Variants in DST observed in about 807,000 individuals in gnomAD.
DST encodes bullous pemphigoid antigen.
A neutral mutation model predicts 875.2 loss-of-function variants in DST; 253 were observed. That is an observed-to-expected ratio of 0.29 (90% CI 0.26 to 0.32). The LOEUF (loss-of-function observed/expected upper bound fraction) is 0.32, where lower values mean the gene tolerates loss of function less well. Among genes scored for constraint, DST ranks in the 10% least tolerant of loss-of-function variants. The pLI, the probability that DST is intolerant of heterozygous loss-of-function variation, is 1.00. For synonymous variants in DST, 3,124 were observed against 3,197.1 expected (o/e 0.98, Z 0.77); for missense variants, 8,287 against 9,111.6 (o/e 0.91, Z 3.68).
At chr6:56,761,755 T>C (rs1487383392) in intron 4 of DST, among the ~76,000 whole-genome samples, 1 of 152,122 alleles carries the variant, frequency 6.6e-6, no homozygotes, top group Non-Finnish European at 1.5e-5. Flanking sequence ...AATTTCCTTC[T>C]GACAACTAAG....
Position 56,629,253 on chromosome 6 carries a change from TTG to T in DST, c.4470_4471del (p.Asp1490GlufsTer25). 6.2e-7 allele frequency: 1 copy of T among 1,613,650 alleles called. No individual in the cohort carries two copies. Among genetic ancestry groups the T allele is most frequent in the South Asian group, 1.1e-5 (1 of 91,072 alleles). On this transcript the variant is annotated frameshift_variant, in exon 32 of 104. Coordinates refer to ENST00000680361, the MANE Select transcript of DST (RefSeq NM_001374736.1). LOFTEE classifies it high-confidence loss of function. The stretch of plus-strand genomic sequence containing the variant: ...CTGAACAAAAAAGGATACTAACCTG[TTG>T]TCAATCTGCACATGAACATTTTGCC...
chr6:56,790,996 A>G (rs1209460500), intron 4 of DST, among the ~76,000 whole-genome samples: 2 of 152,248 alleles, frequency 1.3e-5, no homozygotes, highest in Non-Finnish European at 2.9e-5. Flanking sequence ...TGAAGGTGAG[A>G]GACAAGATGC....
At chr6:56,935,512 C>A (rs1285305304) in intron 2 of DST, among the ~76,000 whole-genome samples, 2 of 152,248 alleles carry the variant, frequency 1.3e-5, no homozygotes, top group Non-Finnish European at 2.9e-5. Context: ...AATTTCTACT[C>A]TTTGTAAACT....
chr6:56,642,574 G>A, intron 15 of DST, 71 bp from the exon 16 acceptor site: 3 of 1,610,706 alleles, frequency 1.9e-6, no homozygotes, highest in South Asian at 2.2e-5. Flanking sequence ...CCTGAAAAGT[G>A]CTGCCCATCA....
chr6:56,501,027 T>A, intron 80 of DST, 53 bp downstream of exon 80: 1 of 1,544,344 alleles, frequency 6.5e-7, no homozygotes, highest in Non-Finnish European at 8.8e-7. Context: ...AGAAATCTGA[T>A]GACACTAGAA....
chr6:56,638,474 T>C (rs907465559), intron 22 of DST, among the ~76,000 whole-genome samples: 10 of 152,160 alleles, frequency 6.6e-5, no homozygotes, highest in African/African-American at 9.7e-5. Context: ...CTTTCCTCAA[T>C]TGTGAGTTTG....
intron 4 of DST, among the ~76,000 whole-genome samples, chr6:56,772,914 A>C (rs2152979397): frequency 6.6e-6 from 1 of 152,282 alleles, no homozygotes; most frequent in East Asian, 1.9e-4. Context: ...TTGCATTATA[A>C]AAGACAAAAT....
chr6:56,658,903 G>C (rs899003353), intron 10 of DST, among the ~76,000 whole-genome samples: 2 of 152,178 alleles, frequency 1.3e-5, no homozygotes, highest in Admixed American at 1.3e-4. Flanking sequence ...AGGACTACAA[G>C]GAGACCAGTG....
chr6:56,863,114 C>G (rs752407318), intron 3 of DST: 4 of 152,178 alleles, frequency 2.6e-5, no homozygotes, highest in African/African-American at 9.7e-5. Flanking sequence ...GGAAACCTGC[C>G]CCCTTAGAGA....
At chr6:56,886,098 G>C (rs950856093) in intron 3 of DST, among the ~76,000 whole-genome samples, 8 of 152,176 alleles carry the variant, frequency 5.3e-5, no homozygotes, top group African/African-American at 1.9e-4. Flanking sequence ...TGCAGGCTGT[G>C]AGCAGACTCT....
At chr6:56,513,481 C>T (rs148124928) in intron 72 of DST, among the ~76,000 whole-genome samples, 2,581 of 152,260 alleles carry the variant, frequency 0.017, 28 homozygotes, top group Middle Eastern at 0.027. Flanking sequence ...CCACCTGCCT[C>T]GGCCTCCCAA....
intron 29 of DST, 138 bp from the exon 30 acceptor site, chr6:56,631,527 G>C: frequency 1.4e-6 from 1 of 739,310 alleles, no homozygotes; most frequent in Non-Finnish European, 2.2e-6. Context: ...TGTTATCAAA[G>C]AAACTACATC....
At chr6:56,583,382 C>T (rs1562952452) in intron 49 of DST, among the ~76,000 whole-genome samples, 1 of 152,222 alleles carries the variant, frequency 6.6e-6, no homozygotes, top group African/African-American at 2.4e-5. Context: ...CTTTTGGCTG[C>T]ATAAATGTCT....
chr6:56,907,858 C>T (rs2127710022), intron 2 of DST, among the ~76,000 whole-genome samples: 1 of 152,214 alleles, frequency 6.6e-6, no homozygotes, highest in African/African-American at 2.4e-5. Context: ...AACACGTTGA[C>T]CCACTGAGCA....
At position 56,476,211 on chromosome 6, in the gene DST, T is replaced by TG; in HGVS notation, c.21801_21802insC (p.Lys7268GlnfsTer3). ...TCCTGGGGGATGACTTCTTTATCCT[T>TG]ATCAGTAAGTGTAGTTTCAGCCCAT... On this transcript the variant is annotated frameshift_variant, in exon 92 of 104. Coordinates refer to ENST00000680361, the MANE Select transcript of DST (RefSeq NM_001374736.1). LOFTEE classifies it high-confidence loss of function. 6.2e-7 allele frequency: 1 copy of TG among 1,613,032 alleles called. No homozygotes were observed. The highest frequency in any genetic ancestry group is 8.5e-7 in the Non-Finnish European group (1 of 1,179,488).
In DST at chr6:56,800,408, C is replaced by A. The variant is rs141310365; in HGVS notation, c.625+50989G>T. 5.0e-3 allele frequency among the ~76,000 whole-genome samples: 757 copies of A among 152,270 alleles called. 4 individuals are homozygous for A. The highest frequency in any genetic ancestry group is 0.017 in the African/African-American group (716 of 41,548). ...ACATAGTAATAATTGCCCAACTATA[C>A]AATCACTAACTTATCCATTATAATA... On this transcript the variant is annotated intron_variant, in intron 4 of 103. Transcript: ENST00000680361.
At chr6:56,952,396 G>T (rs893720561) in intron 2 of DST, among the ~76,000 whole-genome samples, 1 of 152,050 alleles carries the variant, frequency 6.6e-6, no homozygotes, top group African/African-American at 2.4e-5. Flanking sequence ...TTATATTTTG[G>T]TGTTTGCACT....
At chr6:56,951,419 A>G (rs1416303871) in intron 2 of DST, among the ~76,000 whole-genome samples, 2 of 152,264 alleles carry the variant, frequency 1.3e-5, no homozygotes, top group Admixed American at 6.5e-5. Flanking sequence ...AGCAGCTACT[A>G]CTAAAAAGCA....
intron 4 of DST, among the ~76,000 whole-genome samples, chr6:56,789,855 T>C (rs1437836052): frequency 6.6e-6 from 1 of 152,240 alleles, no homozygotes; most frequent in African/African-American, 2.4e-5. Context: ...TACCCATCAA[T>C]GGACACTTAG....
Sources: allele counts gnomAD v4.1 joint callset (sites outside exome capture counted in the v4.1 genomes callset), GRCh38; gene constraint gnomAD v4.1.1; transcripts MANE v1.5; gene names NCBI Gene and HGNC (gene_info 2026-07-23, HGNC 2026-07-21).